The following SATB1 variants were observed in gnomAD, a reference collection of about 807,000 sequenced individuals.
The protein encoded by SATB1 is SATB homeobox 1.
In SATB1, 11 loss-of-function variants were observed where a neutral mutation model predicts 86.9. The ratio of observed to expected loss-of-function variants is 0.13; its 90% CI spans 0.08 to 0.21. The LOEUF (loss-of-function observed/expected upper bound fraction) is 0.21, where lower values mean the gene tolerates loss of function less well. Ranked by LOEUF, SATB1 falls within the 10% of genes least tolerant of loss-of-function variation. The pLI is 1.00. For missense variants in SATB1, 551 were observed against 937.6 expected (o/e 0.59, Z 5.39); for synonymous variants, 357 against 357.2 (o/e 1.00, Z 0.01).
chr3:18,351,523 C>A, intron 10 of SATB1: 1 of 724,948 alleles, frequency 1.4e-6, no homozygotes. Context: ...GGCAAGATTC[C>A]AATTAAGCTT....
Position 18,403,627 on chromosome 3 carries a change from T to A in SATB1, c.640-6337A>T, listed in dbSNP as rs539999972. Among the ~76,000 whole-genome samples, 5 of 152,176 alleles carry A rather than the reference T, an allele frequency of 3.3e-5. No individual in the cohort carries two copies. The South Asian group carries it at 1.0e-3, about 32-fold the overall frequency. The stretch of plus-strand genomic sequence containing the variant: ...TAAAATAATTGTTTTCTGAAATAAA[T>A]GCCTGCACAATGCAAAATGTGTATT... On this transcript the variant is annotated intron_variant, in intron 5 of 10. Transcript: ENST00000338745.
At chr3:18,387,201 C>G (rs1008218493) in intron 7 of SATB1, among the ~76,000 whole-genome samples, 2 of 152,176 alleles carry the variant, frequency 1.3e-5, no homozygotes, top group African/African-American at 4.8e-5. Context: ...TTTCAATTTA[C>G]CATTTTCAGA....
rs747219358 is a variant in SATB1 at position 18,349,128 on chromosome 3, T to C, written c.*42A>G. On this transcript the variant is annotated 3_prime_UTR_variant, in exon 11 of 11. Transcript: ENST00000338745. This position sits in a 1 kb window ranked among gnomAD's most constrained non-coding sequence, Gnocchi z 5.5. ...CAAGGTGGACTTTTCATTTTGTTAG[T>C]AAATACCAGTGGCACTGTTGAACGA... The C allele has an allele frequency of 6.3e-7, 1 of 1,584,164 alleles. No individual in the cohort carries two copies. The highest frequency in any genetic ancestry group is 1.8e-5 in the Admixed American group (1 of 57,050).
At chr3:18,355,473 T>C (rs966858056) in intron 9 of SATB1, among the ~76,000 whole-genome samples, 14 of 152,000 alleles carry the variant, frequency 9.2e-5, no homozygotes, top group Non-Finnish European at 1.6e-4. Context: ...TTTCCACAAG[T>C]GATATTGTTA....
In SATB1 at chr3:18,386,529, T is replaced by A. The variant is rs1696352497; in HGVS notation, c.1289A>T (p.Gln430Leu). ...QSLLVNLRAM[Q>L]NFLQLPEAER... is the part of the protein sequence containing the mutation. ...AGCTTCCGGTAACTGCAAGAAATTCTGCATAGCCCGAAGGTTTACCAGCAA... is the reference window on the plus strand; with the variant it reads ...AGCTTCCGGTAACTGCAAGAAATTCAGCATAGCCCGAAGGTTTACCAGCAA... The change falls in exon 8 of 11, where the codon CAG becomes CTG. Residue 430 changes from glutamine (Q) to leucine (L), a missense_variant. Physicochemically the swap from Gln to Leu is moderately radical, Grantham distance 113 (BLOSUM62 -2). Around this residue, in one of 8 missense-constraint regions of SATB1, gnomAD observed 110 missense variants for 212.2 expected, o/e 0.52. Transcript: ENST00000338745. This position sits in a 1 kb window ranked among gnomAD's most constrained non-coding sequence, Gnocchi z 4.5. 1 of 1,614,140 alleles carries A rather than the reference T, an allele frequency of 6.2e-7. No individual in the cohort carries two copies. The highest frequency in any genetic ancestry group is 8.5e-7 in the Non-Finnish European group (1 of 1,180,010).
chr3:18,366,955 A>G (rs1695217494), intron 9 of SATB1, among the ~76,000 whole-genome samples: 1 of 152,076 alleles, frequency 6.6e-6, no homozygotes, highest in African/African-American at 2.4e-5. Context: ...GTCTTCAATC[A>G]AAATAGCATC....
intron 9 of SATB1, among the ~76,000 whole-genome samples, chr3:18,358,740 G>A (rs905413971): frequency 6.6e-6 from 1 of 151,798 alleles, no homozygotes; most frequent in African/African-American, 2.4e-5. Context: ...CATATTTGCT[G>A]AAAGAAAAAA....
Position 18,421,004 on chromosome 3 carries a change from A to G in SATB1, c.-24-13T>C, listed in dbSNP as rs754450638. 4.4e-6 allele frequency: 7 copies of G among 1,599,882 alleles called. No individual in the cohort carries two copies. The East Asian group carries it at 6.7e-5, about 15-fold the overall frequency. On this transcript the variant is annotated splice_polypyrimidine_tract_variant and intron_variant, in intron 1 of 10. Coordinates refer to ENST00000338745, the MANE Select transcript of SATB1 (RefSeq NM_002971.6). ...GTCTAAAGATCACCTGCCAGAATTT[A>G]AAAAGAAGACACGTTATAGTTGGGC...
intron 6 of SATB1, 45 bp downstream of exon 6, chr3:18,397,134 C>T (rs779380505): frequency 9.7e-7 from 1 of 1,031,338 alleles, no homozygotes; most frequent in Admixed American, 1.7e-5. Context: ...CCCCAAATGA[C>T]ACGTAATGGT....
In SATB1 at chr3:18,394,371, C is replaced by T; in HGVS notation, c.1206+91G>A. On this transcript the variant is annotated intron_variant, in intron 7 of 10. Coordinates refer to ENST00000338745, the MANE Select transcript of SATB1 (RefSeq NM_002971.6). The surrounding 1 kb of genome is among the most constrained non-coding windows in gnomAD (Gnocchi z 5.9). ...TGAAGAGAGAGAGAAAATGTTAGTA[C>T]AGAAGTAAAAGAATAAACTTTAGTT... is the stretch of plus-strand genomic sequence containing the variant. 9.4e-7 allele frequency: 1 copy of T among 1,068,066 alleles called. No individual in the cohort carries two copies. Among genetic ancestry groups the T allele is most frequent in the South Asian group, 1.4e-5 (1 of 69,596 alleles). 66.2% of individuals were successfully genotyped at this position (1,068,066 alleles called of 1,614,324 possible).
intron 5 of SATB1, among the ~76,000 whole-genome samples, chr3:18,407,294 A>G (rs773804622): frequency 6.6e-6 from 1 of 152,074 alleles, no homozygotes; most frequent in Admixed American, 6.6e-5. Flanking sequence ...TAACTTTATA[A>G]TGACTGTAAG....
At chr3:18,433,500 C>T (rs1698958297) in intron 2 of SATB1, among the ~76,000 whole-genome samples, 1 of 152,040 alleles carries the variant, frequency 6.6e-6, no homozygotes. Context: ...TTTTCCTGTA[C>T]TGTTCCACAT....
In SATB1 at chr3:18,345,527, G is replaced by C. The variant is rs1694009444; in HGVS notation, c.*3643C>G. 6.6e-6 allele frequency: 1 copy of C among 152,010 alleles called. No individual in the cohort carries two copies. Among genetic ancestry groups the C allele is most frequent in the Non-Finnish European group, 1.5e-5 (1 of 67,946 alleles). The allele number at this position is 152,010 out of a possible 1,614,324, so 9.4% of individuals were successfully genotyped here. A position where few individuals can be genotyped will look rare whatever the true frequency, so the allele number is the denominator to read the frequency against. Reference sequence around the variant, plus strand: ...GTGCATATTAATAGATTGTAGTTTAGCCTTTGTCAAAAGACATGCAAGTAT... The same window carrying C: ...GTGCATATTAATAGATTGTAGTTTACCCTTTGTCAAAAGACATGCAAGTAT... On this transcript the variant is annotated 3_prime_UTR_variant, in exon 11 of 11. Coordinates refer to ENST00000338745, the MANE Select transcript of SATB1 (RefSeq NM_002971.6).
intron 5 of SATB1, among the ~76,000 whole-genome samples, chr3:18,402,909 G>A (rs1210355343): frequency 1.3e-5 from 2 of 152,006 alleles, no homozygotes; most frequent in Admixed American, 6.6e-5. Context: ...AACAGCTGAT[G>A]GACAAATATT....
chr3:18,385,456 ACT>A (rs1261663952), intron 8 of SATB1, among the ~76,000 whole-genome samples: 1 of 152,030 alleles, frequency 6.6e-6, no homozygotes, highest in Non-Finnish European at 1.5e-5. Flanking sequence ...CCCCGTCTCT[ACT>A]AAAAACACAA....
At chr3:18,364,504 G>A (rs1695082311) in intron 9 of SATB1, among the ~76,000 whole-genome samples, 1 of 151,840 alleles carries the variant, frequency 6.6e-6, no homozygotes, top group Non-Finnish European at 1.5e-5. Context: ...TATTGCTACT[G>A]TCATTTGTTG....
intron 8 of SATB1, among the ~76,000 whole-genome samples, chr3:18,379,020 A>G (rs903713022): frequency 2.0e-5 from 3 of 152,198 alleles, no homozygotes; most frequent in Admixed American, 6.5e-5. Flanking sequence ...TTGTGAAACC[A>G]CACAATAAGA....
intron 9 of SATB1, among the ~76,000 whole-genome samples, chr3:18,365,485 G>A (rs1439922113): frequency 1.3e-5 from 2 of 152,092 alleles, no homozygotes; most frequent in Admixed American, 1.3e-4. Context: ...CTCTGCAAAT[G>A]CTAGGAAACT....
rs1423014947 is a variant in SATB1, at chr3:18,386,673, C to T, written c.1207-62G>A. ...CTTGCTTTGCCTGGCCAGCAGTGAT[C>T]CTTCCCTTTTCTTCTCCACTCTGTT... is the stretch of plus-strand genomic sequence containing the variant. On this transcript the variant is annotated intron_variant, in intron 7 of 10. Transcript: ENST00000338745. The surrounding 1 kb of genome is among the most constrained non-coding windows in gnomAD (Gnocchi z 4.5). The T allele has an allele frequency of 3.3e-5, 44 of 1,349,898 alleles. No individual in the cohort carries two copies. The highest frequency in any genetic ancestry group is 8.5e-5 in the Admixed American group (5 of 58,780). 83.6% of individuals were successfully genotyped at this position (1,349,898 alleles called of 1,614,324 possible).
Sources: allele counts gnomAD v4.1 joint callset (sites outside exome capture counted in the v4.1 genomes callset), GRCh38; gene constraint gnomAD v4.1.1; regional missense constraint gnomAD v4.1.1; non-coding constraint Gnocchi (gnomAD v3.1); transcripts MANE v1.5; gene names NCBI Gene and HGNC (gene_info 2026-07-23, HGNC 2026-07-21).